Variants in HEPHL1 observed in about 807,000 individuals in gnomAD.
HEPHL1 encodes the protein ferroxidase HEPHL1.
A neutral mutation model predicts 122.0 loss-of-function variants in HEPHL1; 123 were observed. The ratio of observed to expected loss-of-function variants is 1.01; its 90% CI spans 0.87 to 1.17. HEPHL1 has a LOEUF of 1.17. HEPHL1 is among the 50% of genes most tolerant of loss of function. The pLI is 0.00. For synonymous variants in HEPHL1, 527 were observed against 508.9 expected (o/e 1.04, Z -0.48); for missense variants, 1,452 against 1,430.5 (o/e 1.01, Z -0.24).
intron 13 of HEPHL1, among the ~76,000 whole-genome samples, chr11:94,099,911 C>T (rs1473213961): frequency 1.3e-5 from 2 of 152,158 alleles, no homozygotes; most frequent in Non-Finnish European, 2.9e-5. Flanking sequence ...TGCCATCTGT[C>T]ACAGCTTCCC....
intron 1 of HEPHL1, among the ~76,000 whole-genome samples, chr11:94,036,285 T>G (rs1045782394): frequency 3.9e-5 from 6 of 152,198 alleles, no homozygotes; most frequent in Non-Finnish European, 8.8e-5. Context: ...CAAGGGTCTA[T>G]GAGTTTATAG....
intron 9 of HEPHL1, among the ~76,000 whole-genome samples, chr11:94,081,829 G>A (rs3020010): frequency 0.74 from 112,159 of 152,120 alleles, 41,818 homozygotes; most frequent in African/African-American, 0.86. Context: ...GATAAGTGCT[G>A]TGAAGAATAA....
intron 17 of HEPHL1, among the ~76,000 whole-genome samples, chr11:94,107,941 T>C (rs553052074): frequency 2.9e-4 from 44 of 152,326 alleles, no homozygotes; most frequent in African/African-American, 1.0e-3. Context: ...TAAGTGTATG[T>C]TTGATTTCAT....
intron 17 of HEPHL1, among the ~76,000 whole-genome samples, chr11:94,109,272 A>G (rs994301512): frequency 6.6e-6 from 1 of 151,862 alleles, no homozygotes; most frequent in African/African-American, 2.4e-5. Flanking sequence ...TTTTAGGGGG[A>G]TTTTCTATGC....
At chr11:94,048,024 T>C (rs1273536566) in intron 2 of HEPHL1, among the ~76,000 whole-genome samples, 1 of 152,146 alleles carries the variant, frequency 6.6e-6, no homozygotes, top group African/African-American at 2.4e-5. Flanking sequence ...AATCAATACC[T>C]CTCCATTCCT....
chr11:94,029,537 C>G (rs1204227195), intron 1 of HEPHL1, among the ~76,000 whole-genome samples: 1 of 152,202 alleles, frequency 6.6e-6, no homozygotes, highest in Non-Finnish European at 1.5e-5. Context: ...AATACAGATA[C>G]CATGGTCTTG....
chr11:94,077,709 TCAACACTATTTAGACATG>T (rs1172276201), intron 9 of HEPHL1, among the ~76,000 whole-genome samples: 1 of 152,176 alleles, frequency 6.6e-6, no homozygotes. Flanking sequence ...AAAACAAAAA[TCAACACTATTTAGACATG>T]CCCCAGCCTC....
rs1192776384 is a variant in HEPHL1 at position 94,064,494 on chromosome 11, G to A, written c.792G>A (p.Arg264=). Residue 264 remains arginine (R), a synonymous_variant, in exon 4 of 20, where the codon AGG becomes AGA. Transcript: ENST00000315765. The part of the protein sequence containing the change: ...SVDKKDAVFQ[R]SNKMHALNGY... ...ACAAGAAAGATGCTGTTTTCCAGAGGAGTAACAAAATGCATGGTGAGTACC... is the reference window on the plus strand; with the variant it reads ...ACAAGAAAGATGCTGTTTTCCAGAGAAGTAACAAAATGCATGGTGAGTACC... 2.5e-6 allele frequency: 4 copies of A among 1,612,362 alleles called. No homozygotes were observed. The South Asian group carries it at 4.4e-5, about 18-fold the overall frequency.
chr11:94,035,760 G>A (rs1445464018), intron 1 of HEPHL1, among the ~76,000 whole-genome samples: 5 of 152,228 alleles, frequency 3.3e-5, no homozygotes, highest in African/African-American at 9.6e-5. Flanking sequence ...TTTTTGAGAC[G>A]GAGTCTCACT....
chr11:94,109,537 C>G (rs1355121113), intron 17 of HEPHL1, among the ~76,000 whole-genome samples: 1 of 152,074 alleles, frequency 6.6e-6, no homozygotes, highest in Non-Finnish European at 1.5e-5. Flanking sequence ...TAAATTTGCT[C>G]AGAGTTTTGA....
intron 1 of HEPHL1, among the ~76,000 whole-genome samples, chr11:94,022,661 G>A (rs1005625062): frequency 6.6e-6 from 1 of 152,224 alleles, no homozygotes; most frequent in African/African-American, 2.4e-5. Flanking sequence ...CTTAAGCTTT[G>A]TACCTGGAAA....
rs1434682720 is a variant in HEPHL1 at position 94,067,994 on chromosome 11, C to A, written c.1063+244C>A. Among the ~76,000 whole-genome samples the A allele has an allele frequency of 2.0e-5, 3 of 152,200 alleles. No individual in the cohort carries two copies. In the South Asian group the frequency reaches 6.2e-4, roughly 32 times the overall value. ...AAAAATTGATGAGACCTTCGAGGAA[C>A]CTGTAGTATAGTTGTTAGACATAGT... is the stretch of plus-strand genomic sequence containing the variant. On this transcript the variant is annotated intron_variant, in intron 5 of 19. Transcript: ENST00000315765.
At chr11:94,034,679 G>A (rs909536743) in intron 1 of HEPHL1, among the ~76,000 whole-genome samples, 1 of 152,164 alleles carries the variant, frequency 6.6e-6, no homozygotes, top group Non-Finnish European at 1.5e-5. Context: ...TTTAAGTAAA[G>A]AAAGATAATA....
intron 12 of HEPHL1, among the ~76,000 whole-genome samples, chr11:94,089,970 A>G (rs994492231): frequency 2.6e-5 from 4 of 151,752 alleles, no homozygotes; most frequent in Non-Finnish European, 5.9e-5. Context: ...CCTCATAGAC[A>G]TCCTCCGTGG....
intron 17 of HEPHL1, among the ~76,000 whole-genome samples, chr11:94,106,442 C>T (rs181016603): frequency 1.2e-4 from 18 of 151,686 alleles, no homozygotes; most frequent in Non-Finnish European, 1.9e-4. Flanking sequence ...ACAGGTGTGT[C>T]CCACCACGCC....
chr11:94,071,729 A>T (rs2134432809), intron 6 of HEPHL1, among the ~76,000 whole-genome samples: 1 of 152,308 alleles, frequency 6.6e-6, no homozygotes, highest in Non-Finnish European at 1.5e-5. Flanking sequence ...TTGTCCTGGT[A>T]GTGAGTTATC....
intron 4 of HEPHL1, 116 bp downstream of exon 4, chr11:94,064,626 G>T (rs561948254): frequency 1.5e-6 from 1 of 686,140 alleles, no homozygotes; most frequent in Non-Finnish European, 2.4e-6. Context: ...TATAACTCAG[G>T]GATGACCATG....
At chr11:94,034,700 A>C (rs556321362) in intron 1 of HEPHL1, among the ~76,000 whole-genome samples, 1 of 152,286 alleles carries the variant, frequency 6.6e-6, no homozygotes, top group East Asian at 1.9e-4. Context: ...AAACTTCACA[A>C]AGAAAGTCCC....
intron 3 of HEPHL1, 36 bp from the exon 4 acceptor site, chr11:94,064,295 G>T (rs1307996180): frequency 2.5e-5 from 38 of 1,534,784 alleles, no homozygotes; most frequent in Non-Finnish European, 3.3e-5. Context: ...TCTTGATTTA[G>T]TTCTTTCTCT....
Sources: allele counts gnomAD v4.1 joint callset (sites outside exome capture counted in the v4.1 genomes callset), GRCh38; gene constraint gnomAD v4.1.1; transcripts MANE v1.5; gene names NCBI Gene and HGNC (gene_info 2026-07-23, HGNC 2026-07-21).